The following NSD2 variants were observed in gnomAD, a reference collection of about 807,000 sequenced individuals.
NSD2 encodes the protein histone-lysine N-methyltransferase NSD2.
Under a neutral mutation model 139.0 loss-of-function variants are expected in NSD2, and 12 were observed. The ratio of observed to expected loss-of-function variants is 0.09; its 90% CI spans 0.06 to 0.14. The LOEUF (loss-of-function observed/expected upper bound fraction) is 0.14, where lower values mean the gene tolerates loss of function less well. Among genes scored for constraint, NSD2 ranks in the 10% least tolerant of loss-of-function variants. The pLI is 1.00. For missense variants in NSD2, 1,155 were observed against 1,745.0 expected (o/e 0.66, Z 6.02); for synonymous variants, 669 against 648.7 (o/e 1.03, Z -0.48).
intron 3 of NSD2, chr4:1,912,238 A>G (rs1718776496): frequency 4.9e-6 from 1 of 202,388 alleles, no homozygotes; most frequent in African/African-American, 2.4e-5. Context: ...TACTTCTAAT[A>G]CTTTGATTTC....
chr4:1,893,424 G>A (rs889196437), intron 1 of NSD2, among the ~76,000 whole-genome samples: 1 of 152,154 alleles, frequency 6.6e-6, no homozygotes, highest in African/African-American at 2.4e-5. Flanking sequence ...AGCTGAGATT[G>A]TGCCACTGGC....
Position 1,955,947 on chromosome 4 carries a change from G to A in NSD2, c.2676-36G>A, listed in dbSNP as rs1479569876. 6.2e-7 allele frequency: 1 copy of A among 1,612,652 alleles called. No individual in the cohort carries two copies. Among genetic ancestry groups the A allele is most frequent in the East Asian group, 2.2e-5 (1 of 44,882 alleles). On this transcript the variant is annotated intron_variant, in intron 14 of 21. Transcript: ENST00000508803. The surrounding 1 kb of genome is among the most constrained non-coding windows in gnomAD (Gnocchi z 4.7). Reference sequence around the variant, plus strand: ...TTGAAATTATTATCGCTGTCTCTGAGGAGTCTGTGAATCCTGTTTTTAATA... The same window carrying A: ...TTGAAATTATTATCGCTGTCTCTGAAGAGTCTGTGAATCCTGTTTTTAATA...
chr4:1,951,889 G>C, intron 10 of NSD2: 1 of 626,808 alleles, frequency 1.6e-6, no homozygotes, highest in Non-Finnish European at 2.6e-6. Context: ...CCATTGCTGA[G>C]GACTGGCCTC....
chr4:1,880,442 G>C (rs899630490), intron 1 of NSD2, among the ~76,000 whole-genome samples: 1 of 152,136 alleles, frequency 6.6e-6, no homozygotes, highest in East Asian at 1.9e-4. Flanking sequence ...CAGTGTGGCA[G>C]TGTACTTCTG....
rs753834990 is a variant in NSD2 at position 1,900,930 on chromosome 4, C to T, written c.276C>T (p.Gly92=). The T allele has an allele frequency of 2.2e-5, 35 of 1,614,138 alleles. No homozygotes were observed. Among genetic ancestry groups the T allele is most frequent in the Non-Finnish European group, 2.8e-5 (33 of 1,180,020 alleles). ...LTSRVFNGEP[G]AHDAKLRFES... ...CCCGGGTGTTTAATGGAGAACCCGG[C>T]GCACACGATGCCAAACTGCGTTTTG... is the stretch of plus-strand genomic sequence containing the variant. The change falls in exon 2 of 22, where the codon GGC becomes GGT. Residue 92 remains glycine (G), a synonymous_variant. Coordinates refer to ENST00000508803, the MANE Select transcript of NSD2 (RefSeq NM_001042424.3).
intron 3 of NSD2, chr4:1,912,175 T>A: frequency 2.8e-6 from 1 of 358,424 alleles, no homozygotes; most frequent in Non-Finnish European, 5.6e-6. Context: ...ATCCCCTGCC[T>A]TCCTCTCTCC....
chr4:1,872,564 T>G (rs1042398145), intron 1 of NSD2, among the ~76,000 whole-genome samples: 21 of 101,164 alleles, frequency 2.1e-4, no homozygotes, highest in Non-Finnish European at 3.1e-4. Flanking sequence ...AACGTGTATT[T>G]TGTGTGTGTG....
At chr4:1,918,869 C>T (rs189564917) in intron 5 of NSD2, 16 of 430,662 alleles carry the variant, frequency 3.7e-5, no homozygotes, top group African/African-American at 2.6e-4. Flanking sequence ...GAGAACAGGC[C>T]AGGCACAGTG....
At chr4:1,914,104 C>T (rs577401758) in intron 3 of NSD2, among the ~76,000 whole-genome samples, 2 of 152,272 alleles carry the variant, frequency 1.3e-5, no homozygotes, top group African/African-American at 4.8e-5. Flanking sequence ...CTTGCTGCAA[C>T]CTCTGCCACT....
In NSD2 at chr4:1,889,129, C is replaced by T. The variant is rs527935303; in HGVS notation, c.-29-11497C>T. ...GCCAGGCTGGTCTGGAACTCCTGAC[C>T]TCAGGTGATCCACCCGCTTTGGCCT... is the stretch of plus-strand genomic sequence containing the variant. On this transcript the variant is annotated intron_variant, in intron 1 of 21. Coordinates refer to ENST00000508803, the MANE Select transcript of NSD2 (RefSeq NM_001042424.3). Among the ~76,000 whole-genome samples the T allele has an allele frequency of 3.9e-5, 6 of 151,980 alleles. No individual in the cohort carries two copies. The South Asian group carries it at 1.2e-3, about 32-fold the overall frequency.
At chr4:1,928,933 G>T (rs1365511625) in intron 5 of NSD2, among the ~76,000 whole-genome samples, 1 of 152,094 alleles carries the variant, frequency 6.6e-6, no homozygotes, top group Non-Finnish European at 1.5e-5. Context: ...TCAGGGTAGG[G>T]CCTGCTGGGT....
intron 18 of NSD2, among the ~76,000 whole-genome samples, chr4:1,970,469 G>A (rs1577571896): frequency 6.6e-6 from 1 of 152,224 alleles, no homozygotes; most frequent in Non-Finnish European, 1.5e-5. Context: ...AGCAGAATCA[G>A]GTGAAGCTCC....
Position 1,938,541 on chromosome 4 carries a change from G to C in NSD2, c.1756+9G>C. 1 of 1,551,684 alleles carries C rather than the reference G, an allele frequency of 6.4e-7. No individual in the cohort carries two copies. The highest frequency in any genetic ancestry group is 8.8e-7 in the Non-Finnish European group (1 of 1,142,062). On this transcript the variant is annotated intron_variant, in intron 8 of 21. Transcript: ENST00000508803. ...GCTCAAGAGCCAGGCAGGTAATGTG[G>C]TCAGCGCCCTTTCCTTCTTGGCTTC...
At chr4:1,901,458 C>T (rs1717167293) in intron 2 of NSD2, among the ~76,000 whole-genome samples, 1 of 152,188 alleles carries the variant, frequency 6.6e-6, no homozygotes, top group Admixed American at 6.5e-5. Flanking sequence ...CAGCTGGCTG[C>T]TGAGCCAGTT....
chr4:1,948,934 G>T lies in NSD2; in HGVS notation c.1882-2138G>T, dbSNP rs977483117. ...GGAAGAGCATGGGTTGGTGGATAGC[G>T]CTGGGGCTCTCTCCCCTGAGCCATG... On this transcript the variant is annotated intron_variant, in intron 9 of 21. Transcript: ENST00000508803. This position sits in a 1 kb window ranked among gnomAD's most constrained non-coding sequence, Gnocchi z 4.5. The T allele has an allele frequency of 1.7e-5, 8 of 469,542 alleles. No homozygotes were observed. The highest frequency in any genetic ancestry group is 1.1e-4 in the African/African-American group (5 of 47,336). The allele number at this position is 469,542 out of a possible 1,614,324, so 29.1% of individuals were successfully genotyped here.
intron 6 of NSD2, among the ~76,000 whole-genome samples, chr4:1,933,834 T>TA (rs1479673269): frequency 6.6e-6 from 1 of 152,210 alleles, no homozygotes; most frequent in Non-Finnish European, 1.5e-5. Flanking sequence ...AATTTGCACT[T>TA]ACACCTTACC....
At position 1,925,389 on chromosome 4, in the gene NSD2, CTTTTTTTTTT is replaced by C. The variant is rs34335852; in HGVS notation, c.1411-5219_1411-5210del. Among the ~76,000 whole-genome samples the C allele has an allele frequency of 3.4e-4, 13 of 38,010 alleles. No individual in the cohort carries two copies. The South Asian group carries it at 7.9e-3, about 23-fold the overall frequency. 24.9% of individuals were successfully genotyped at this position (38,010 alleles called of 152,430 possible). On this transcript the variant is annotated intron_variant, in intron 5 of 21. Transcript: ENST00000508803. ...TTTAGAGGTCATTTTCTTTTTCTTT[CTTTTTTTTTT>C]TTTTTTTTTTTTTTTTTGAGATGGA...
intron 3 of NSD2, chr4:1,912,068 C>A: frequency 2.8e-6 from 1 of 361,838 alleles, no homozygotes; most frequent in Non-Finnish European, 5.4e-6. Context: ...TCACAAATCC[C>A]TTGACATATC....
Position 1,912,724 on chromosome 4 carries a change from C to A in NSD2, c.761-4147C>A, listed in dbSNP as rs1057247682. 2.6e-5 allele frequency among the ~76,000 whole-genome samples: 4 copies of A among 151,962 alleles called. No individual in the cohort carries two copies. In the East Asian group the frequency reaches 5.8e-4, roughly 22 times the overall value. On this transcript the variant is annotated intron_variant, in intron 3 of 21. Transcript: ENST00000508803. The stretch of plus-strand genomic sequence containing the variant: ...CTTCCTTACTACTTAGATTTTCTTT[C>A]TTTGTAAAAAAGTTGTTTTCTCTCA...
Sources: allele counts gnomAD v4.1 joint callset (sites outside exome capture counted in the v4.1 genomes callset), GRCh38; gene constraint gnomAD v4.1.1; non-coding constraint Gnocchi (gnomAD v3.1); transcripts MANE v1.5; gene names NCBI Gene and HGNC (gene_info 2026-07-23, HGNC 2026-07-21).